SLC19A1: variants seen among roughly 807,000 people sequenced by gnomAD.
The protein encoded by SLC19A1 is solute carrier family 19 member 1.
A neutral mutation model predicts 35.3 loss-of-function variants in SLC19A1; 37 were observed. That is an observed-to-expected ratio of 1.05 (90% CI 0.81 to 1.38). The LOEUF is 1.38. SLC19A1 is among the 40% of genes most tolerant of loss of function. SLC19A1 has a pLI of 0.00. For synonymous variants in SLC19A1, 460 were observed against 398.5 expected (o/e 1.15, Z -1.84); for missense variants, 831 against 826.9 (o/e 1.00, Z -0.06).
chr21:45,525,878 T>A lies in SLC19A1; in HGVS notation c.1232A>T (p.Lys411Met). 3 of 1,613,634 alleles carry A rather than the reference T, an allele frequency of 1.9e-6. No homozygotes were observed. In the African/African-American group the frequency reaches 4.0e-5, roughly 21 times the overall value. ...CGAGACAATGAAAGTGATGATGGTC[T>A]TGACGATGGTGGCAAAGAACGTGTT... is the stretch of plus-strand genomic sequence containing the variant. ...GVNTFFATIVKTIITFIVSDV... is the reference protein window; with the variant it reads ...GVNTFFATIVMTIITFIVSDV... Residue 411 changes from lysine to methionine, a missense_variant, in exon 5 of 6, where the codon AAG becomes ATG. Transcript: ENST00000311124.
exon 1 of SLC19A1, among the ~76,000 whole-genome samples, chr21:45,562,855 C>T (rs2078627659): frequency 6.6e-6 from 1 of 152,208 alleles, no homozygotes; most frequent in Non-Finnish European, 1.5e-5. Flanking sequence ...AGATCCTCCT[C>T]CAGTGTCTAG....
At chr21:45,503,103 G>A (rs907033548) in intron 3 of SLC19A1, 1 of 152,188 alleles carries the variant, frequency 6.6e-6, no homozygotes, top group Admixed American at 6.5e-5. Context: ...GGATGGCTGG[G>A]TCAAATGGTA....
intron 1 of SLC19A1, among the ~76,000 whole-genome samples, chr21:45,553,896 G>A (rs1460185025): frequency 1.9e-4 from 1 of 5,368 alleles, no homozygotes; most frequent in Non-Finnish European, 3.7e-4. Context: ...AGTCCTCCAC[G>A]CCCCATCCCA....
intron 3 of SLC19A1, chr21:45,505,949 G>C: frequency 1.2e-6 from 2 of 1,613,222 alleles, no homozygotes; most frequent in South Asian, 1.1e-5. Flanking sequence ...CGTGCAGAAC[G>C]GGTTCCGGAA....
chr21:45,507,454 G>C (rs1414345912), intron 3 of SLC19A1: 3 of 610,670 alleles, frequency 4.9e-6, no homozygotes, highest in East Asian at 4.9e-5. Flanking sequence ...CCTCCTGTGG[G>C]CTGGGAGGGC....
chr21:45,550,129 T>G (rs1339906088), intron 1 of SLC19A1, among the ~76,000 whole-genome samples: 1 of 152,096 alleles, frequency 6.6e-6, no homozygotes, highest in Admixed American at 6.5e-5. Context: ...CCTCCTGGGC[T>G]GCTGTGCATC....
intron 4 of SLC19A1, among the ~76,000 whole-genome samples, chr21:45,526,986 G>A (rs184576929): frequency 1.3e-5 from 2 of 152,390 alleles, no homozygotes; most frequent in East Asian, 1.9e-4. Flanking sequence ...ACCAGGTCAC[G>A]GGCGTCTCAA....
At chr21:45,528,880 T>C (rs1206683425) in intron 4 of SLC19A1, among the ~76,000 whole-genome samples, 1 of 152,246 alleles carries the variant, frequency 6.6e-6, no homozygotes, top group African/African-American at 2.4e-5. Context: ...GGATTCCCCG[T>C]AGCAAACAGC....
chr21:45,511,014 CACATCCA>C (rs2037563966), downstream of SLC19A1: 2 of 207,728 alleles, frequency 9.6e-6, no homozygotes, highest in Admixed American at 5.3e-5. Flanking sequence ...CCCCCCCCCA[CACATCCA>C]CACCCCACAT....
chr21:45,552,103 C>T (rs1397840527), intron 1 of SLC19A1, among the ~76,000 whole-genome samples: 1 of 152,194 alleles, frequency 6.6e-6, no homozygotes, highest in Non-Finnish European at 1.5e-5. Context: ...TGTCTCGCCG[C>T]TCCATGGGGC....
chr21:45,556,705 CAGGACGTTGTCA>C (rs1164733803), intron 1 of SLC19A1, among the ~76,000 whole-genome samples: 5 of 152,224 alleles, frequency 3.3e-5, no homozygotes, highest in African/African-American at 1.2e-4. Flanking sequence ...CAGGACAGAA[CAGGACGTTGTCA>C]AGCGCTCTGT....
rs1459853924 is a variant in SLC19A1 at position 45,515,722 on chromosome 21, G to A, written c.1712C>T (p.Pro571Leu). ...ETCPQLAVHP[P>L]GVSKLGLQCL... ...CTGCAAACCCAGCTTGCTGACACCA[G>A]GAGGATGGACAGCCAGCTGGGGACA... is the stretch of plus-strand genomic sequence containing the variant. The change falls in exon 6 of 6, where the codon CCT becomes CTT. Residue 571 changes from proline (P) to leucine (L), a missense_variant. Transcript: ENST00000311124. The A allele has an allele frequency of 6.2e-7, 1 of 1,613,848 alleles. No individual in the cohort carries two copies.
rs1331336989 is a variant in SLC19A1 at position 45,517,912 on chromosome 21, T to C, written c.1294-1772A>G. Among the ~76,000 whole-genome samples the C allele has an allele frequency of 6.6e-6, 1 of 151,994 alleles. No homozygotes were observed. The highest frequency in any genetic ancestry group is 1.9e-4 in the East Asian group (1 of 5,168). ...AGCGAGGTGCACACCCCGCTTGACC[T>C]GCAGGAGTTGCGTCAGCCACAACAG... On this transcript the variant is annotated intron_variant, in intron 5 of 5. Transcript: ENST00000311124. This position sits in a 1 kb window ranked among gnomAD's most constrained non-coding sequence, Gnocchi z 4.4.
intron 2 of SLC19A1, among the ~76,000 whole-genome samples, chr21:45,535,170 G>A (rs576000521): frequency 1.2e-3 from 179 of 152,320 alleles, no homozygotes; most frequent in African/African-American, 4.1e-3. Context: ...GTCCTGGGCC[G>A]GGGGGTCTCC....
intron 1 of SLC19A1, among the ~76,000 whole-genome samples, chr21:45,554,591 G>A (rs2146502458): frequency 7.1e-6 from 1 of 140,016 alleles, no homozygotes; most frequent in East Asian, 2.2e-4. Context: ...GCCTGGCCAG[G>A]GGCACTCAGC....
At chr21:45,511,987 T>TG (rs540450766), downstream of SLC19A1, among the ~76,000 whole-genome samples, 17 of 152,206 alleles carry the variant, frequency 1.1e-4, no homozygotes, top group South Asian at 3.1e-3. Context: ...AGAAGCAGCA[T>TG]GGGGGGCAGT....
In SLC19A1 at chr21:45,540,433, C is replaced by A. The variant is rs2078268602; in HGVS notation, c.-50+1935G>T. Among the ~76,000 whole-genome samples, 1 of 152,172 alleles carries A rather than the reference C, an allele frequency of 6.6e-6. No individual in the cohort carries two copies. The highest frequency in any genetic ancestry group is 2.4e-5 in the African/African-American group (1 of 41,438). On this transcript the variant is annotated intron_variant, in intron 1 of 5. Coordinates refer to ENST00000311124, the MANE Select transcript of SLC19A1 (RefSeq NM_194255.4). The surrounding 1 kb of genome is among the most constrained non-coding windows in gnomAD (Gnocchi z 5.5). ...CCGGGAGCCCTGGGTACTTGGGCCCCCTGTTCTGAAAGGTGCCACCTCCAG... is the reference window on the plus strand; with the variant it reads ...CCGGGAGCCCTGGGTACTTGGGCCCACTGTTCTGAAAGGTGCCACCTCCAG...
At position 45,525,934 on chromosome 21, in the gene SLC19A1, A is replaced by G; in HGVS notation, c.1176T>C (p.Ser392=). 1 of 1,613,510 alleles carries G rather than the reference A, an allele frequency of 6.2e-7. No individual in the cohort carries two copies. The highest frequency in any genetic ancestry group is 8.5e-7 in the Non-Finnish European group (1 of 1,179,930). Residue 392 remains serine, a synonymous_variant, in exon 5 of 6, where the codon TCT becomes TCC. Coordinates refer to ENST00000311124, the MANE Select transcript of SLC19A1 (RefSeq NM_194255.4). ...IATFQIASSL[S]KELCALVFGV... ...CGAAGACCAGGGCACAGAGCTCTTT[A>G]GACAGAGAAGATGCAATCTGAAAGC...
chr21:45,515,175 A>C lies in SLC19A1; in HGVS notation c.*483T>G, dbSNP rs1602684331. The C allele has an allele frequency of 8.6e-6, 13 of 1,517,840 alleles. No individual in the cohort carries two copies. The African/African-American group carries it at 1.1e-4, about 13-fold the overall frequency. 94.0% of individuals were successfully genotyped at this position (1,517,840 alleles called of 1,614,324 possible). A position where few individuals can be genotyped will look rare whatever the true frequency, so the allele number is the denominator to read the frequency against. ...ATTCTACGTCAGTTAAAAAAAAAAA[A>C]AGCATCTTTCAAAAAAGCAAGAGCA... On this transcript the variant is annotated 3_prime_UTR_variant, in exon 6 of 6. Coordinates refer to ENST00000311124, the MANE Select transcript of SLC19A1 (RefSeq NM_194255.4).
Sources: gnomAD v4.1 joint callset for allele counts (sites outside exome capture counted in the v4.1 genomes callset) on GRCh38, gnomAD v4.1.1 for gene constraint, Gnocchi (gnomAD v3.1) non-coding constraint, MANE v1.5 for transcripts, NCBI Gene and HGNC (gene_info 2026-07-23, HGNC 2026-07-21) for gene names.